GRID2: variants seen among roughly 807,000 people sequenced by gnomAD.
GRID2 encodes glutamate ionotropic receptor delta type subunit 2, also known as glutamate receptor ionotropic, delta-2.
GRID2 carries 33 observed loss-of-function variants against 114.8 expected under a neutral mutation model. The ratio of observed to expected loss-of-function variants is 0.29; its 90% CI spans 0.22 to 0.38. GRID2 has a LOEUF of 0.38. Ranked by LOEUF, GRID2 falls within the 10% of genes least tolerant of loss-of-function variation. The pLI, the probability that GRID2 is intolerant of heterozygous loss-of-function variation, is 1.00. For missense variants in GRID2, 1,184 were observed against 1,257.7 expected (o/e 0.94, Z 0.89); for synonymous variants, 505 against 449.9 (o/e 1.12, Z -1.55).
Position 93,798,102 on chromosome 4 carries a change from G to A in GRID2, c.222-8613G>A, listed in dbSNP as rs190782698. 2.8e-3 allele frequency among the ~76,000 whole-genome samples: 427 copies of A among 152,196 alleles called. 3 individuals are homozygous for A. The highest frequency in any genetic ancestry group is 4.6e-3 in the Non-Finnish European group (312 of 68,026). Reference sequence around the variant, plus strand: ...TGAGAGGCAGATGTTGCAGTGAGCCGAGATCGCACCATCGCAATCCAGCCT... The same window carrying A: ...TGAGAGGCAGATGTTGCAGTGAGCCAAGATCGCACCATCGCAATCCAGCCT... On this transcript the variant is annotated intron_variant, in intron 1 of 1. Transcript: ENST00000637838.
intron 2 of GRID2, among the ~76,000 whole-genome samples, chr4:92,944,748 G>T (rs567109649): frequency 1.6e-4 from 24 of 152,146 alleles, no homozygotes; most frequent in African/African-American, 5.8e-4. Context: ...ACATAAACTC[G>T]TGTACTAACA....
At chr4:92,684,458 A>G (rs1733805194) in intron 2 of GRID2, among the ~76,000 whole-genome samples, 1 of 152,028 alleles carries the variant, frequency 6.6e-6, no homozygotes, top group Non-Finnish European at 1.5e-5. Context: ...AGAATGTGAC[A>G]TTCTCTTTCT....
intron 2 of GRID2, among the ~76,000 whole-genome samples, chr4:92,764,817 A>G (rs1738183449): frequency 6.6e-6 from 1 of 152,188 alleles, no homozygotes; most frequent in South Asian, 2.1e-4. Flanking sequence ...ACATCGAGGA[A>G]TTCACTTAGT....
intron 2 of GRID2, among the ~76,000 whole-genome samples, chr4:92,619,279 G>T (rs2149236767): frequency 1.3e-5 from 2 of 151,800 alleles, no homozygotes; most frequent in Non-Finnish European, 3.0e-5. Flanking sequence ...ACAGTGCAAG[G>T]TCTTATGTTG....
At chr4:93,034,887 GC>G (rs1260183084) in intron 2 of GRID2, among the ~76,000 whole-genome samples, 1 of 152,162 alleles carries the variant, frequency 6.6e-6, no homozygotes, top group Non-Finnish European at 1.5e-5. Flanking sequence ...TACATGGCTG[GC>G]CCCGTGCGTG....
At chr4:92,970,735 T>C (rs566951100) in intron 2 of GRID2, among the ~76,000 whole-genome samples, 21 of 152,124 alleles carry the variant, frequency 1.4e-4, no homozygotes, top group African/African-American at 5.1e-4. Flanking sequence ...GATAGAATTA[T>C]TTCCAAATAT....
At chr4:93,354,536 T>TTACCATAC (rs1761124052) in intron 8 of GRID2, among the ~76,000 whole-genome samples, 1 of 151,824 alleles carries the variant, frequency 6.6e-6, no homozygotes, top group Non-Finnish European at 1.5e-5. Flanking sequence ...TACCAATCCC[T>TTACCATAC]GTATCACCAT....
intron 4 of GRID2, chr4:93,164,612 T>C: frequency 1.1e-5 from 3 of 271,686 alleles, no homozygotes; most frequent in South Asian, 6.5e-5. Flanking sequence ...ATGTTGACTT[T>C]TAATAGTATC....
At chr4:92,812,268 A>G (rs893067449) in intron 2 of GRID2, among the ~76,000 whole-genome samples, 13 of 152,102 alleles carry the variant, frequency 8.5e-5, no homozygotes, top group Admixed American at 8.5e-4. Flanking sequence ...TTAAAAATAA[A>G]TCACTCTGAT....
At chr4:93,369,117 G>T (rs1045834609) in intron 8 of GRID2, among the ~76,000 whole-genome samples, 1 of 152,098 alleles carries the variant, frequency 6.6e-6, no homozygotes, top group Non-Finnish European at 1.5e-5. Flanking sequence ...CACAAGCAAG[G>T]TATCAGCAGG....
chr4:93,526,463 C>T (rs1730911748), intron 13 of GRID2, among the ~76,000 whole-genome samples: 1 of 152,112 alleles, frequency 6.6e-6, no homozygotes, highest in South Asian at 2.1e-4. Flanking sequence ...CCAATTTTAC[C>T]CTCAGAGTTT....
intron 1 of GRID2, among the ~76,000 whole-genome samples, chr4:92,324,219 C>G (rs919711356): frequency 6.6e-6 from 1 of 151,942 alleles, no homozygotes; most frequent in African/African-American, 2.4e-5. Flanking sequence ...AGAGTTTACT[C>G]CAGTTCCAAA....
At chr4:93,475,734 T>C in intron 11 of GRID2, among the ~76,000 whole-genome samples, 1 of 152,196 alleles carries the variant, frequency 6.6e-6, no homozygotes, top group Non-Finnish European at 1.5e-5. Context: ...TGAACTTTCA[T>C]GCTTCTGGGA....
At chr4:92,994,219 G>T (rs904398386) in intron 2 of GRID2, among the ~76,000 whole-genome samples, 8 of 152,094 alleles carry the variant, frequency 5.3e-5, no homozygotes, top group Admixed American at 2.0e-4. Flanking sequence ...AAAGATGTAG[G>T]GCTACATAAA....
At chr4:93,337,728 T>A (rs143233462) in intron 8 of GRID2, among the ~76,000 whole-genome samples, 4 of 152,166 alleles carry the variant, frequency 2.6e-5, no homozygotes, top group Admixed American at 2.6e-4. Context: ...TGAAGACTAA[T>A]CTCTCAAAAC....
chr4:92,660,924 A>G (rs1474796205), intron 2 of GRID2, among the ~76,000 whole-genome samples: 1 of 151,118 alleles, frequency 6.6e-6, no homozygotes, highest in Non-Finnish European at 1.5e-5. Flanking sequence ...TTATGATTAG[A>G]AATAATAGCT....
At chr4:92,955,853 G>T (rs558525675) in intron 2 of GRID2, among the ~76,000 whole-genome samples, 2 of 152,126 alleles carry the variant, frequency 1.3e-5, no homozygotes, top group South Asian at 4.1e-4. Context: ...AGTTTTCCCA[G>T]CACCATTTAT....
chr4:92,637,964 A>G (rs1301766435), intron 2 of GRID2, among the ~76,000 whole-genome samples: 2 of 152,016 alleles, frequency 1.3e-5, no homozygotes. Context: ...TTTGCAATTT[A>G]GGAAACTCAA....
At chr4:93,738,227 A>C (rs1202593616) in intron 14 of GRID2, among the ~76,000 whole-genome samples, 2 of 152,174 alleles carry the variant, frequency 1.3e-5, no homozygotes, top group Non-Finnish European at 2.9e-5. Context: ...CTGCAGTAGT[A>C]GGAAAGAGGT....
Sources: allele counts gnomAD v4.1 joint callset (sites outside exome capture counted in the v4.1 genomes callset), GRCh38; gene constraint gnomAD v4.1.1; transcripts MANE v1.5; gene names NCBI Gene and HGNC (gene_info 2026-07-23, HGNC 2026-07-21).